Variants in PPP1R13B observed in about 807,000 individuals in gnomAD.
PPP1R13B encodes the protein apoptosis-stimulating of p53 protein 1.
PPP1R13B carries 44 observed loss-of-function variants against 119.8 expected under a neutral mutation model. That is an observed-to-expected ratio of 0.37 (90% CI 0.29 to 0.47). PPP1R13B has a LOEUF of 0.47. Ranked by LOEUF, PPP1R13B falls within the 20% of genes least tolerant of loss-of-function variation. The pLI is 0.99. For synonymous variants in PPP1R13B, 542 were observed against 561.5 expected, an observed-to-expected ratio of 0.97 and a Z score of 0.49; for missense variants, 1,227 against 1,413.5, an observed-to-expected ratio of 0.87 and a Z score of 2.12.
At chr14:103,772,126 C>A (rs2085084576) in intron 4 of PPP1R13B, among the ~76,000 whole-genome samples, 1 of 152,158 alleles carries the variant, frequency 6.6e-6, no homozygotes, top group South Asian at 2.1e-4. Context: ...CTTCTTTCAG[C>A]ACAATGATTT....
intron 1 of PPP1R13B, among the ~76,000 whole-genome samples, chr14:103,821,019 T>A (rs971650431): frequency 1.3e-5 from 2 of 152,144 alleles, no homozygotes; most frequent in Admixed American, 1.3e-4. Flanking sequence ...TTTCAAGCTA[T>A]CAAAAAGATC....
chr14:103,734,459 A>G lies in PPP1R13B; in HGVS notation c.*695T>C, dbSNP rs1848403692. On this transcript the variant is annotated 3_prime_UTR_variant, in exon 17 of 17. Transcript: ENST00000202556. ...CTGTGAGATCGGAGGAGAAGAGTAT[A>G]TGCTGAGGCTCTCCCAGTTGTCACT... 4.4e-6 allele frequency: 2 copies of G among 454,146 alleles called. No individual in the cohort carries two copies. Among genetic ancestry groups the G allele is most frequent in the African/African-American group, 4.0e-5 (2 of 50,052 alleles). The allele number at this position is 454,146 out of a possible 1,614,324, so 28.1% of individuals were successfully genotyped here.
At chr14:103,753,985 G>T in intron 6 of PPP1R13B, 85 bp downstream of exon 6, 3 of 1,469,106 alleles carry the variant, frequency 2.0e-6, no homozygotes, top group South Asian at 2.6e-5. Flanking sequence ...GTGAATTTGT[G>T]ACTGAATTGT....
At chr14:103,769,805 G>A (rs1030907016) in intron 4 of PPP1R13B, among the ~76,000 whole-genome samples, 14 of 151,930 alleles carry the variant, frequency 9.2e-5, no homozygotes, top group Admixed American at 2.6e-4. Flanking sequence ...TTATGAACAC[G>A]GATGCTCATT....
At chr14:103,817,739 G>A (rs573150092) in intron 1 of PPP1R13B, among the ~76,000 whole-genome samples, 2 of 151,906 alleles carry the variant, frequency 1.3e-5, no homozygotes, top group Admixed American at 1.3e-4. Flanking sequence ...ACTCTCAACA[G>A]GCCTATGCTA....
intron 7 of PPP1R13B, among the ~76,000 whole-genome samples, chr14:103,752,342 T>C (rs2084568780): frequency 6.6e-6 from 1 of 152,124 alleles, no homozygotes; most frequent in Non-Finnish European, 1.5e-5. Flanking sequence ...AAAGTAGATC[T>C]GTGGCTGCCA....
intron 6 of PPP1R13B, among the ~76,000 whole-genome samples, chr14:103,753,613 G>A (rs1308776797): frequency 2.0e-5 from 3 of 152,294 alleles, no homozygotes; most frequent in East Asian, 3.9e-4. Flanking sequence ...CTTAATGCAC[G>A]GATACAAGTT....
chr14:103,828,466 CTCAT>C (rs1161403754), intron 1 of PPP1R13B, among the ~76,000 whole-genome samples: 1 of 151,840 alleles, frequency 6.6e-6, no homozygotes, highest in African/African-American at 2.4e-5. Context: ...TACAGGATCA[CTCAT>C]TCATTCATTT....
intron 1 of PPP1R13B, among the ~76,000 whole-genome samples, chr14:103,810,653 T>A (rs2086129605): frequency 6.6e-6 from 1 of 151,776 alleles, no homozygotes; most frequent in South Asian, 2.1e-4. Context: ...GCGCCTGTAG[T>A]CCCAGCTACT....
At position 103,825,392 on chromosome 14, in the gene PPP1R13B, G is replaced by A. The variant is rs148172347; in HGVS notation, c.9+21907C>T. On this transcript the variant is annotated intron_variant, in intron 1 of 16. Transcript: ENST00000202556. The stretch of plus-strand genomic sequence containing the variant: ...ATGATTAACCTTAAGAGGAAGGAAT[G>A]TCAAAAGCTGAGATAGGCTGAAAGC... Among the ~76,000 whole-genome samples, 51 of 152,332 alleles carry A rather than the reference G, an allele frequency of 3.3e-4. No individual in the cohort carries two copies. In the East Asian group the frequency reaches 8.5e-3, roughly 25 times the overall value.
At chr14:103,770,753 C>T (rs1457438098) in intron 4 of PPP1R13B, among the ~76,000 whole-genome samples, 1 of 152,100 alleles carries the variant, frequency 6.6e-6, no homozygotes, top group Non-Finnish European at 1.5e-5. Flanking sequence ...GGTAACAACA[C>T]CTAAAAGGCA....
chr14:103,753,271 T>C, intron 6 of PPP1R13B, 75 bp from the exon 7 acceptor site: 3 of 1,395,672 alleles, frequency 2.1e-6, no homozygotes, highest in Middle Eastern at 2.6e-4. Context: ...TACACTGAAC[T>C]TAATTCTAGT....
chr14:103,758,230 A>G (rs2084722930), intron 4 of PPP1R13B, among the ~76,000 whole-genome samples: 1 of 152,256 alleles, frequency 6.6e-6, no homozygotes, highest in African/African-American at 2.4e-5. Context: ...CATGACTTAC[A>G]TGAAGAACAC....
At chr14:103,830,676 A>T (rs1283904514) in intron 1 of PPP1R13B, among the ~76,000 whole-genome samples, 3 of 152,166 alleles carry the variant, frequency 2.0e-5, no homozygotes, top group African/African-American at 7.2e-5. Flanking sequence ...GCCATCTATA[A>T]TCCTTAAGGA....
chr14:103,803,251 G>A (rs2085941742), intron 1 of PPP1R13B, among the ~76,000 whole-genome samples: 1 of 152,098 alleles, frequency 6.6e-6, no homozygotes, highest in South Asian at 2.1e-4. Flanking sequence ...TTAATAGTAT[G>A]TACAAAACAG....
intron 3 of PPP1R13B, among the ~76,000 whole-genome samples, chr14:103,779,305 T>G (rs1010396711): frequency 6.6e-6 from 1 of 151,702 alleles, no homozygotes; most frequent in Non-Finnish European, 1.5e-5. Context: ...AGACCCTGTT[T>G]AAAAAAAATA....
At position 103,741,930 on chromosome 14, in the gene PPP1R13B, C is replaced by A. The variant is rs187707451; in HGVS notation, c.1682G>T (p.Gly561Val). 3.1e-6 allele frequency: 5 copies of A among 1,614,072 alleles called. No individual in the cohort carries two copies. Among genetic ancestry groups the A allele is most frequent in the Non-Finnish European group, 4.2e-6 (5 of 1,180,054 alleles). The change falls in exon 11 of 17, where the codon GGG becomes GTG. Residue 561 changes from glycine to valine, a missense_variant. Coordinates refer to ENST00000202556, the MANE Select transcript of PPP1R13B (RefSeq NM_015316.3). Reference sequence around the variant, plus strand: ...TTTCCTGGGAGACTGTGGCCTTGACCCTTTATCAGCCAGGAAAGGCCTAAT... The same window carrying A: ...TTTCCTGGGAGACTGTGGCCTTGACACTTTATCAGCCAGGAAAGGCCTAAT... ...VAIRPFLADK[G>V]SRPQSPRKGP...
chr14:103,832,547 T>C (rs1227229206), intron 1 of PPP1R13B, among the ~76,000 whole-genome samples: 1 of 152,238 alleles, frequency 6.6e-6, no homozygotes, highest in Non-Finnish European at 1.5e-5. Context: ...CCTTGACAAC[T>C]ATTTTGATCA....
intron 1 of PPP1R13B, among the ~76,000 whole-genome samples, chr14:103,822,053 T>C (rs972888077): frequency 1.3e-5 from 2 of 152,026 alleles, no homozygotes; most frequent in African/African-American, 4.8e-5. Context: ...TCTGGATATA[T>C]GGAAACCCAA....
Sources: gnomAD v4.1 joint callset for allele counts (sites outside exome capture counted in the v4.1 genomes callset) on GRCh38, gnomAD v4.1.1 for gene constraint, MANE v1.5 for transcripts, NCBI Gene and HGNC (gene_info 2026-07-23, HGNC 2026-07-21) for gene names.